SPAG17: variants seen among roughly 807,000 people sequenced by gnomAD.
SPAG17 encodes sperm-associated antigen 17.
A neutral mutation model predicts 273.6 loss-of-function variants in SPAG17; 169 were observed. The observed-to-expected ratio is 0.62, with a 90% CI of 0.55 to 0.70. The LOEUF is 0.70. SPAG17 is among the 30% of genes least tolerant of loss of function. SPAG17 has a pLI of 0.00. For missense variants in SPAG17, 2,557 were observed against 2,627.8 expected (o/e 0.97, Z 0.59); for synonymous variants, 825 against 873.2 (o/e 0.94, Z 0.97).
At chr1:117,981,177 C>G in intron 43 of SPAG17, 93 bp downstream of exon 43, 442 of 1,307,310 alleles carry the variant, frequency 3.4e-4, no homozygotes, top group Non-Finnish European at 4.1e-4. Context: ...TTTTCTGTAA[C>G]TCTCAACCTC....
chr1:118,157,536 C>T (rs959504202), intron 1 of SPAG17, among the ~76,000 whole-genome samples: 1 of 152,196 alleles, frequency 6.6e-6, no homozygotes, highest in African/African-American at 2.4e-5. Flanking sequence ...CTTCCCCACT[C>T]AGGCATCTGC....
intron 19 of SPAG17, among the ~76,000 whole-genome samples, chr1:118,055,193 G>A (rs1019449134): frequency 6.6e-6 from 1 of 151,806 alleles, no homozygotes; most frequent in African/African-American, 2.4e-5. Flanking sequence ...CAACAACAAA[G>A]GTATATATAT....
At chr1:118,116,837 G>A (rs1657109400) in intron 3 of SPAG17, among the ~76,000 whole-genome samples, 2 of 152,192 alleles carry the variant, frequency 1.3e-5, no homozygotes, top group East Asian at 3.9e-4. Flanking sequence ...AAGGACTCTA[G>A]GAAATACAGT....
At position 118,073,859 on chromosome 1, in the gene SPAG17, G is replaced by A. The variant is rs1461657931; in HGVS notation, c.2380C>T (p.Leu794Phe). The A allele has an allele frequency of 6.3e-7, 1 of 1,580,262 alleles. No individual in the cohort carries two copies. The highest frequency in any genetic ancestry group is 1.2e-5 in the South Asian group (1 of 85,078). Residue 794 changes from leucine to phenylalanine, a missense_variant, in exon 17 of 49, where the codon CTT becomes TTT. Transcript: ENST00000336338. The stretch of plus-strand genomic sequence containing the variant: ...GAATCACAGTCCATAAATACCTGAA[G>A]CAGTACTTTCGGTTTAAAATGTTCA... ...FTEHFKPKVL[L>F]QVLQEAHKQY...
At chr1:117,964,820 T>G (rs1379486998) in intron 47 of SPAG17, 1 of 152,216 alleles carries the variant, frequency 6.6e-6, no homozygotes, top group African/African-American at 2.4e-5. Flanking sequence ...TCCTTTAACT[T>G]TCTCCTTCAC....
At chr1:117,995,697 C>CAA (rs1657574764) in intron 34 of SPAG17, among the ~76,000 whole-genome samples, 1 of 33,548 alleles carries the variant, frequency 3.0e-5, no homozygotes, top group African/African-American at 1.7e-4. Flanking sequence ...GATGAAATAA[C>CAA]ACACACACAC....
chr1:118,127,035 T>C (rs1657775796), intron 3 of SPAG17, among the ~76,000 whole-genome samples: 1 of 152,206 alleles, frequency 6.6e-6, no homozygotes, highest in African/African-American at 2.4e-5. Flanking sequence ...TCTGTTCCAT[T>C]GGTCTGTGTA....
chr1:117,974,508 A>C (rs1654923801), intron 43 of SPAG17, among the ~76,000 whole-genome samples: 1 of 151,702 alleles, frequency 6.6e-6, no homozygotes, highest in South Asian at 2.1e-4. Context: ...TAACTCTGAA[A>C]GATTTATTAA....
chr1:118,008,181 C>T lies in SPAG17; in HGVS notation c.4450G>A (p.Val1484Ile), dbSNP rs1437645634. 6.2e-7 allele frequency: 1 copy of T among 1,613,904 alleles called. No individual in the cohort carries two copies. Among genetic ancestry groups the T allele is most frequent in the Admixed American group, 1.7e-5 (1 of 59,950 alleles). Residue 1484 changes from valine to isoleucine, a missense_variant, in exon 31 of 49, where the codon GTC becomes ATC. Val to Ile is a conservative substitution (Grantham distance 29, BLOSUM62 3). Transcript: ENST00000336338. Reference protein sequence around the residue: ...DQETTEGPRTVTRQVKCMRVE... With the variant: ...DQETTEGPRTITRQVKCMRVE... Reference sequence around the variant, plus strand: ...CGCATACACTTCACCTGCCTGGTGACAGTCCGAGGACCCTCGGCTACAAGC... The same window carrying T: ...CGCATACACTTCACCTGCCTGGTGATAGTCCGAGGACCCTCGGCTACAAGC...
At chr1:118,063,243 T>A (rs1170171201) in intron 18 of SPAG17, among the ~76,000 whole-genome samples, 1 of 152,158 alleles carries the variant, frequency 6.6e-6, no homozygotes, top group Non-Finnish European at 1.5e-5. Flanking sequence ...ACTTTAAAGT[T>A]CATATGGAAC....
At chr1:118,071,051 C>A (rs1335515203) in intron 17 of SPAG17, among the ~76,000 whole-genome samples, 2 of 151,474 alleles carry the variant, frequency 1.3e-5, no homozygotes, top group Non-Finnish European at 2.9e-5. Context: ...TTAAATGGCC[C>A]AAGAAAACAG....
In SPAG17 at chr1:118,094,202, G is replaced by T. The variant is rs1422602816; in HGVS notation, c.1012-885C>A. Among the ~76,000 whole-genome samples the T allele has an allele frequency of 3.9e-5, 6 of 152,106 alleles. No individual in the cohort carries two copies. The East Asian group carries it at 1.2e-3, about 29-fold the overall frequency. ...GGCTTCTTCAGTCAAGCTTCAATCT[G>T]GTATTGCTTGCCCAAATTCTGGCAT... On this transcript the variant is annotated intron_variant, in intron 7 of 48. Transcript: ENST00000336338.
chr1:118,167,126 C>G (rs1341102421), intron 1 of SPAG17, among the ~76,000 whole-genome samples: 2 of 152,098 alleles, frequency 1.3e-5, no homozygotes, highest in African/African-American at 2.4e-5. Flanking sequence ...ATGCATAAAG[C>G]TGATACATGA....
chr1:118,087,669 C>T (rs571326788), intron 10 of SPAG17, among the ~76,000 whole-genome samples: 1 of 152,316 alleles, frequency 6.6e-6, no homozygotes, highest in East Asian at 1.9e-4. Context: ...GATTAAGTGC[C>T]TTGTTCAATT....
Position 118,005,451 on chromosome 1 carries a change from A to T in SPAG17, c.4739T>A (p.Ile1580Asn), listed in dbSNP as rs974131529. 19 of 1,611,832 alleles carry T rather than the reference A, an allele frequency of 1.2e-5. No individual in the cohort carries two copies. Among genetic ancestry groups the T allele is most frequent in the Non-Finnish European group, 1.4e-5 (16 of 1,179,106 alleles). Residue 1580 changes from isoleucine (I) to asparagine (N), a missense_variant, in exon 32 of 49, where the codon ATC becomes AAC. By Grantham distance (149) the Ile-to-Asn change is moderately radical. Coordinates refer to ENST00000336338, the MANE Select transcript of SPAG17 (RefSeq NM_206996.4). ...TCCCTCAGGATCCAGAACCTCACAG[A>T]TAACCTCTGAAGTATGCCTCATGAT... ...RYIMRHTSEV[I>N]CEVLDPEGNT...
At chr1:118,072,394 A>G (rs1426016449) in intron 17 of SPAG17, among the ~76,000 whole-genome samples, 1 of 152,164 alleles carries the variant, frequency 6.6e-6, no homozygotes, top group African/African-American at 2.4e-5. Context: ...TCTAACTGGA[A>G]AGGAAGGGAA....
In SPAG17 at chr1:118,051,843, CTA is replaced by C. The variant is rs1369040912; in HGVS notation, c.2814+2157_2814+2158del. Among the ~76,000 whole-genome samples, 7 of 127,712 alleles carry C rather than the reference CTA, an allele frequency of 5.5e-5. 2 individuals are homozygous for C. The East Asian group carries it at 1.2e-3, about 22-fold the overall frequency. 83.8% of individuals were successfully genotyped at this position (127,712 alleles called of 152,430 possible). ...TATATGAACTATTATAATATATAAA[CTA>C]TATATAATATATAATATGTACTATT... On this transcript the variant is annotated intron_variant, in intron 20 of 48. Transcript: ENST00000336338.
chr1:117,959,074 C>T (rs563459183), intron 48 of SPAG17: 3 of 1,481,734 alleles, frequency 2.0e-6, no homozygotes, highest in African/African-American at 1.4e-5. Flanking sequence ...GTATAGTATG[C>T]TGTGCTTTGT....
At chr1:118,112,931 C>G (rs1427581657) in intron 4 of SPAG17, among the ~76,000 whole-genome samples, 2 of 151,956 alleles carry the variant, frequency 1.3e-5, no homozygotes, top group Non-Finnish European at 2.9e-5. Flanking sequence ...TATTATTTAT[C>G]TTTTTTTAAA....
Sources: allele counts gnomAD v4.1 joint callset (sites outside exome capture counted in the v4.1 genomes callset), GRCh38; gene constraint gnomAD v4.1.1; transcripts MANE v1.5; gene names NCBI Gene and HGNC (gene_info 2026-07-23, HGNC 2026-07-21).